TENM3: variants seen among roughly 807,000 people sequenced by gnomAD.
TENM3 encodes teneurin transmembrane protein 3.
In TENM3, 63 loss-of-function variants were observed where a neutral mutation model predicts 255.1. The observed-to-expected ratio is 0.25, with a 90% CI of 0.20 to 0.30. The LOEUF (loss-of-function observed/expected upper bound fraction) is 0.30. Ranked by LOEUF, TENM3 falls within the 10% of genes least tolerant of loss-of-function variation. TENM3 has a pLI of 1.00. For synonymous variants in TENM3, 1,306 were observed against 1,322.3 expected, an observed-to-expected ratio of 0.99 and a Z score of 0.27; for missense variants, 2,929 against 3,461.1, an observed-to-expected ratio of 0.85 and a Z score of 3.86.
chr4:181,859,648 A>G, the TENM3 span, among the ~76,000 whole-genome samples: 5 of 152,154 alleles, frequency 3.3e-5, no homozygotes, highest in Admixed American at 6.6e-5. Context: ...TTTTAAGACT[A>G]CTCAGTGGTA....
chr4:182,352,829 A>C (rs1464826718), intron 3 of TENM3, among the ~76,000 whole-genome samples: 1 of 152,138 alleles, frequency 6.6e-6, no homozygotes, highest in Non-Finnish European at 1.5e-5. Flanking sequence ...TAGCATTTCC[A>C]TCAATCTCTA....
At chr4:182,094,012 G>C in the TENM3 span, among the ~76,000 whole-genome samples, 2 of 152,000 alleles carry the variant, frequency 1.3e-5, no homozygotes, top group Non-Finnish European at 1.5e-5. Context: ...AGAGGCCTAG[G>C]ACCCACAGGA....
the TENM3 span, among the ~76,000 whole-genome samples, chr4:182,043,871 T>C: frequency 6.6e-6 from 1 of 152,164 alleles, no homozygotes; most frequent in Non-Finnish European, 1.5e-5. Flanking sequence ...AAGCGCTCCC[T>C]ACGAAAGCCA....
At chr4:182,013,069 C>T in the TENM3 span, among the ~76,000 whole-genome samples, 3 of 152,116 alleles carry the variant, frequency 2.0e-5, no homozygotes, top group Non-Finnish European at 2.9e-5. Context: ...CATTATATCA[C>T]AATTCTCCAC....
the TENM3 span, among the ~76,000 whole-genome samples, chr4:181,656,073 G>C: frequency 6.6e-6 from 1 of 152,062 alleles, no homozygotes; most frequent in Non-Finnish European, 1.5e-5. Context: ...GTCATTTCCA[G>C]CCAGAAAGAT....
chr4:181,916,870 C>G, the TENM3 span, among the ~76,000 whole-genome samples: 1 of 151,804 alleles, frequency 6.6e-6, no homozygotes, highest in Non-Finnish European at 1.5e-5. Flanking sequence ...AAGACTCCGT[C>G]TAAAAACAAA....
chr4:181,734,684 A>G, the TENM3 span, among the ~76,000 whole-genome samples: 1 of 152,330 alleles, frequency 6.6e-6, no homozygotes, highest in Admixed American at 6.5e-5. Context: ...TTTCCAAAGC[A>G]CAGAAAAAGA....
the TENM3 span, among the ~76,000 whole-genome samples, chr4:181,855,136 T>G: frequency 7.2e-5 from 11 of 152,226 alleles, no homozygotes; most frequent in African/African-American, 2.4e-4. Flanking sequence ...GAAGATGATA[T>G]TCACATAAAT....
intron 3 of TENM3, among the ~76,000 whole-genome samples, chr4:182,502,802 C>G (rs1736442296): frequency 6.6e-6 from 1 of 150,624 alleles, no homozygotes; most frequent in Admixed American, 6.6e-5. Context: ...CTTGGTTATT[C>G]ATGTGTATTA....
intron 1 of TENM3, among the ~76,000 whole-genome samples, chr4:182,158,357 AC>A (rs555726847): frequency 4.6e-5 from 7 of 152,346 alleles, no homozygotes; most frequent in African/African-American, 1.7e-4. Context: ...CAGTTGGGCT[AC>A]CAGTTTGCAA....
At chr4:181,825,577 G>A in the TENM3 span, among the ~76,000 whole-genome samples, 1 of 152,036 alleles carries the variant, frequency 6.6e-6, no homozygotes, top group Non-Finnish European at 1.5e-5. Flanking sequence ...GATTAGGAAA[G>A]GCATTATTAA....
At chr4:182,762,604 C>T (rs1343092132) in intron 22 of TENM3, among the ~76,000 whole-genome samples, 1 of 152,180 alleles carries the variant, frequency 6.6e-6, no homozygotes, top group Non-Finnish European at 1.5e-5. Context: ...ATGCCAGCAG[C>T]TCTCACTCCT....
the TENM3 span, among the ~76,000 whole-genome samples, chr4:182,108,218 T>C: frequency 0.026 from 3,988 of 152,260 alleles, 81 homozygotes; most frequent in South Asian, 0.059. Context: ...CACAGCCTCA[T>C]AGCCATCCCT....
At chr4:181,863,351 T>C in the TENM3 span, among the ~76,000 whole-genome samples, 1 of 152,192 alleles carries the variant, frequency 6.6e-6, no homozygotes, top group Non-Finnish European at 1.5e-5. Flanking sequence ...TAATACTGAC[T>C]ACTAAATAAA....
At chr4:182,234,785 A>C (rs577476263) in intron 1 of TENM3, among the ~76,000 whole-genome samples, 8 of 152,290 alleles carry the variant, frequency 5.3e-5, no homozygotes, top group African/African-American at 1.7e-4. Flanking sequence ...GTTATTCTCA[A>C]GAATGTGAGT....
the TENM3 span, among the ~76,000 whole-genome samples, chr4:182,063,162 T>C: frequency 6.6e-6 from 1 of 152,268 alleles, no homozygotes. Flanking sequence ...AGTGCTGCAC[T>C]GTAATCTGAT....
chr4:182,215,377 C>T (rs781599340), intron 1 of TENM3, among the ~76,000 whole-genome samples: 2 of 152,134 alleles, frequency 1.3e-5, no homozygotes, highest in Non-Finnish European at 2.9e-5. Context: ...TACCACTTCA[C>T]TCGATGAGTT....
rs4862093 is a variant in TENM3, at chr4:182,775,116, C to T, written c.5267C>T (p.Ala1756Val). 1 of 1,613,968 alleles carries T rather than the reference C, an allele frequency of 6.2e-7. No individual in the cohort carries two copies. Among genetic ancestry groups the T allele is most frequent in the Admixed American group, 1.7e-5 (1 of 60,014 alleles). Residue 1756 changes from alanine (A) to valine (V), a missense_variant, in exon 24 of 28, where the codon GCC (alanine) becomes GTC (valine). Around this residue, in one of 6 missense-constraint regions of TENM3, gnomAD observed 303 missense variants for 425.2 expected, o/e 0.71. Coordinates refer to ENST00000511685, the MANE Select transcript of TENM3 (RefSeq NM_001080477.4). ...LVEWRFRKEQAQGKVNVFGRK... is the reference protein window; with the variant it reads ...LVEWRFRKEQVQGKVNVFGRK... ...GAATGGAGATTCCGAAAAGAGCAAG[C>T]CCAAGGGAAAGTCAATGTCTTTGGC...
the TENM3 span, among the ~76,000 whole-genome samples, chr4:181,629,950 G>A: frequency 6.6e-6 from 1 of 152,214 alleles, no homozygotes; most frequent in African/African-American, 2.4e-5. Flanking sequence ...GAATTCGGCT[G>A]TGAGTCCGTC....
Sources: allele counts gnomAD v4.1 joint callset (sites outside exome capture counted in the v4.1 genomes callset), GRCh38; gene constraint gnomAD v4.1.1; regional missense constraint gnomAD v4.1.1; transcripts MANE v1.5; gene names NCBI Gene and HGNC (gene_info 2026-07-23, HGNC 2026-07-21).